Variants in TBC1D5 observed in about 807,000 individuals in gnomAD.
The protein encoded by TBC1D5 is TBC1 domain family member 5, also known as TBC1 domain family, member 5.
TBC1D5 carries 75 observed loss-of-function variants against 100.3 expected under a neutral mutation model. The ratio of observed to expected loss-of-function variants is 0.75; its 90% CI spans 0.62 to 0.91. TBC1D5 has a LOEUF of 0.91. Ranked by LOEUF, TBC1D5 falls within the 40% of genes least tolerant of loss-of-function variation. The pLI, the probability that TBC1D5 is intolerant of heterozygous loss-of-function variation, is 0.00. For synonymous variants in TBC1D5, 323 were observed against 325.6 expected (o/e 0.99, Z 0.09); for missense variants, 910 against 942.4 (o/e 0.97, Z 0.45).
chr3:17,232,561 T>C (rs75210516), intron 17 of TBC1D5, among the ~76,000 whole-genome samples: 274 of 152,228 alleles, frequency 1.8e-3, no homozygotes, highest in African/African-American at 6.4e-3. Context: ...AGTGAACAGC[T>C]CTTCATGGAA....
chr3:17,194,296 A>G (rs1049067884), intron 18 of TBC1D5, among the ~76,000 whole-genome samples: 1 of 152,184 alleles, frequency 6.6e-6, no homozygotes, highest in African/African-American at 2.4e-5. Flanking sequence ...TTAGAAGCGT[A>G]TTTGGTGACA....
intron 19 of TBC1D5, among the ~76,000 whole-genome samples, chr3:17,181,130 G>A (rs1457658974): frequency 2.6e-5 from 4 of 152,124 alleles, no homozygotes; most frequent in Non-Finnish European, 5.9e-5. Flanking sequence ...GTGCCCCAGA[G>A]GCATCATTAA....
In TBC1D5 at chr3:17,475,160, G is replaced by T. The variant is rs188229165; in HGVS notation, c.97+33314C>A. On this transcript the variant is annotated intron_variant, in intron 3 of 21. Coordinates refer to ENST00000253692, the Ensembl canonical transcript of TBC1D5. ...TAATCTCTACATGTTAAGAGTATCC[G>T]GTGGTTCTACCTTGCCCCGCCCCAC... Among the ~76,000 whole-genome samples, 232 of 151,732 alleles carry T rather than the reference G, an allele frequency of 1.5e-3. 1 individual carries two copies. The highest frequency in any genetic ancestry group is 2.7e-3 in the Non-Finnish European group (180 of 67,880).
chr3:17,531,390 A>C (rs1470771222), intron 2 of TBC1D5, among the ~76,000 whole-genome samples: 2 of 152,192 alleles, frequency 1.3e-5, no homozygotes, highest in Admixed American at 6.5e-5. Flanking sequence ...AATCAATATC[A>C]TGAAAATGGC....
chr3:17,442,525 G>T (rs562314755), intron 3 of TBC1D5, among the ~76,000 whole-genome samples: 25 of 152,230 alleles, frequency 1.6e-4, no homozygotes, highest in Middle Eastern at 3.2e-3. Flanking sequence ...GACACAGTGT[G>T]TGGGGTAACC....
intron 1 of TBC1D5, among the ~76,000 whole-genome samples, chr3:17,657,354 G>T (rs1353247745): frequency 6.8e-6 from 1 of 147,508 alleles, no homozygotes; most frequent in Non-Finnish European, 1.5e-5. Flanking sequence ...TTTTTTGCGG[G>T]GGGACAGAGT....
intron 2 of TBC1D5, among the ~76,000 whole-genome samples, chr3:17,558,944 A>C (rs937706125): frequency 4.6e-5 from 7 of 152,200 alleles, no homozygotes; most frequent in African/African-American, 1.7e-4. Flanking sequence ...GCCACATTTT[A>C]TCAACCCCTG....
intron 8 of TBC1D5, among the ~76,000 whole-genome samples, chr3:17,392,389 T>TA (rs1489009984): frequency 6.6e-6 from 1 of 152,020 alleles, no homozygotes. Flanking sequence ...ATTATACTTT[T>TA]AAGTTCCGGG....
intron 20 of TBC1D5, 69 bp from the exon 22 acceptor site, chr3:17,166,997 T>A (rs1043602568): frequency 2.8e-5 from 40 of 1,418,374 alleles, no homozygotes; most frequent in Non-Finnish European, 3.8e-5. Flanking sequence ...TAGCTAAATC[T>A]CTCAGACATT....
chr3:17,674,100 A>G (rs915254118), intron 1 of TBC1D5, among the ~76,000 whole-genome samples: 3 of 152,114 alleles, frequency 2.0e-5, no homozygotes, highest in Non-Finnish European at 4.4e-5. Flanking sequence ...AAACTTCTAC[A>G]TATTTGAAAA....
chr3:17,577,040 T>G (rs1320587258), intron 2 of TBC1D5, among the ~76,000 whole-genome samples: 1 of 151,824 alleles, frequency 6.6e-6, no homozygotes, highest in East Asian at 1.9e-4. Context: ...CACTGAATAA[T>G]AAGAAAAATG....
At chr3:17,553,533 T>C (rs117700980) in intron 2 of TBC1D5, among the ~76,000 whole-genome samples, 2,531 of 152,282 alleles carry the variant, frequency 0.017, 51 homozygotes, top group South Asian at 0.048. Flanking sequence ...CACACACATA[T>C]ATATGTACAT....
intron 1 of TBC1D5, among the ~76,000 whole-genome samples, chr3:17,648,824 A>G (rs957408176): frequency 2.0e-5 from 3 of 152,232 alleles, no homozygotes; most frequent in Non-Finnish European, 1.5e-5. Flanking sequence ...AAGTCGAAAC[A>G]TAACAAATGC....
At chr3:17,672,581 T>C (rs1476267033) in intron 1 of TBC1D5, 2 of 152,160 alleles carry the variant, frequency 1.3e-5, no homozygotes, top group Non-Finnish European at 2.9e-5. Context: ...ATGCAAAACA[T>C]ACAAAGATTT....
rs1342143547 is a variant in TBC1D5, at chr3:17,419,834, CCTGA to C, written c.167+8612_167+8615del. Among the ~76,000 whole-genome samples the C allele has an allele frequency of 7.2e-5, 11 of 152,010 alleles. No individual in the cohort carries two copies. In the South Asian group the frequency reaches 1.0e-3, roughly 14 times the overall value. ...GGGACTAGAGGCATGTGCCACCATG[CCTGA>C]CTAATTTTTTTAAAAATATTTATTT... On this transcript the variant is annotated intron_variant, in intron 4 of 21. Coordinates refer to ENST00000253692, the Ensembl canonical transcript of TBC1D5.
At chr3:17,224,748 C>A (rs1012214230) in intron 17 of TBC1D5, among the ~76,000 whole-genome samples, 2 of 152,128 alleles carry the variant, frequency 1.3e-5, no homozygotes, top group Non-Finnish European at 2.9e-5. Context: ...AATTAAACAT[C>A]CAGAAAGAAT....
At chr3:17,266,413 C>A (rs2078855149) in intron 15 of TBC1D5, among the ~76,000 whole-genome samples, 1 of 151,964 alleles carries the variant, frequency 6.6e-6, no homozygotes, top group African/African-American at 2.4e-5. Context: ...CTTCATTTAT[C>A]CAAGAGTTGA....
At chr3:17,258,168 A>AT (rs925307942) in intron 16 of TBC1D5, among the ~76,000 whole-genome samples, 6 of 151,916 alleles carry the variant, frequency 3.9e-5, no homozygotes, top group Admixed American at 2.0e-4. Context: ...ATTTAAAAAT[A>AT]TATTATAAAA....
chr3:17,170,510 C>G (rs977333575), intron 19 of TBC1D5, among the ~76,000 whole-genome samples: 8 of 152,268 alleles, frequency 5.3e-5, no homozygotes, highest in Middle Eastern at 3.4e-3. Flanking sequence ...CCTTTGTCTC[C>G]TGCTTGCCTC....
Sources: gnomAD v4.1 joint callset for allele counts (sites outside exome capture counted in the v4.1 genomes callset) on GRCh38, gnomAD v4.1.1 for gene constraint, MANE v1.5 for transcripts, NCBI Gene and HGNC (gene_info 2026-07-23, HGNC 2026-07-21) for gene names.